Variants in KANK1 observed in about 807,000 individuals in gnomAD.
KANK1 encodes the protein KN motif and ankyrin repeat domain-containing protein 1.
KANK1 carries 109 observed loss-of-function variants against 106.2 expected under a neutral mutation model. The ratio of observed to expected loss-of-function variants is 1.03; its 90% confidence interval spans 0.88 to 1.20. The LOEUF (loss-of-function observed/expected upper bound fraction) is 1.20, where lower values mean the gene tolerates loss of function less well. Ranked by LOEUF, KANK1 falls within the 50% of genes most tolerant of loss-of-function variation. KANK1 has a pLI of 0.00. For synonymous variants in KANK1, 873 were observed against 652.2 expected (o/e 1.34, Z -5.16); for missense variants, 2,399 against 1,710.7 (o/e 1.40, Z -7.10).
At chr9:611,306 G>A (rs751461399) in intron 1 of KANK1, among the ~76,000 whole-genome samples, 11 of 152,204 alleles carry the variant, frequency 7.2e-5, no homozygotes, top group Non-Finnish European at 1.3e-4. Context: ...AGCCCACGGG[G>A]CCAGTTCCTC....
chr9:667,080 C>G (rs555440870), intron 1 of KANK1, among the ~76,000 whole-genome samples: 62 of 150,778 alleles, frequency 4.1e-4, no homozygotes, highest in Admixed American at 2.8e-3. Flanking sequence ...AGATCCTCGA[C>G]TTTTCTTTGA....
chr9:609,187 T>G (rs1180304287), intron 1 of KANK1, among the ~76,000 whole-genome samples: 1 of 152,240 alleles, frequency 6.6e-6, no homozygotes, highest in Non-Finnish European at 1.5e-5. Context: ...ATTAAACTGC[T>G]AATTGCAGTG....
At chr9:725,090 G>A (rs1830322800) in intron 3 of KANK1, among the ~76,000 whole-genome samples, 1 of 152,248 alleles carries the variant, frequency 6.6e-6, no homozygotes, top group East Asian at 1.9e-4. Context: ...AATCGTCCAG[G>A]TAGCCCCCAT....
chr9:745,245 A>C lies in KANK1; in HGVS notation c.*10A>C. ...AGGTTCATTTGATTGATTGTATGCA[A>C]ATAGCCCTTTATTTACATGCCACTA... On this transcript the variant is annotated 3_prime_UTR_variant, in exon 12 of 12. Coordinates refer to ENST00000382297, the MANE Select transcript of KANK1 (RefSeq NM_015158.5). 1 of 1,614,052 alleles carries C rather than the reference A, an allele frequency of 6.2e-7. No homozygotes were observed.
At chr9:606,837 A>G (rs1476628408) in intron 1 of KANK1, among the ~76,000 whole-genome samples, 2 of 151,676 alleles carry the variant, frequency 1.3e-5, no homozygotes, top group East Asian at 3.9e-4. Flanking sequence ...TATGCCAGGT[A>G]CTGTTCTTAC....
intron 1 of KANK1, among the ~76,000 whole-genome samples, chr9:626,203 C>G (rs1834305744): frequency 6.6e-6 from 1 of 152,122 alleles, no homozygotes; most frequent in Admixed American, 6.6e-5. Flanking sequence ...GTGGTTCATG[C>G]CTGTAATCCC....
Position 744,561 on chromosome 9 carries a change from A to T in KANK1, c.3968A>T (p.His1323Leu). 1.1e-5 allele frequency: 18 copies of T among 1,614,164 alleles called. No homozygotes were observed. Among genetic ancestry groups the T allele is most frequent in the South Asian group, 2.2e-5 (2 of 91,072 alleles). The change falls in exon 11 of 12, where the codon CAT becomes CTT. Residue 1323 changes from histidine to leucine, a missense_variant. His to Leu is a moderately conservative substitution (Grantham distance 99, BLOSUM62 -3). Coordinates refer to ENST00000382297, the MANE Select transcript of KANK1 (RefSeq NM_015158.5). ...HKDIAVLLYA[H>L]VNFAKAQSPG... ...GACATCGCTGTTCTTCTGTATGCCC[A>T]TGTCAACTTTGCAAAAGCCCAGTCT...
chr9:712,109 T>G lies in KANK1; in HGVS notation c.1343T>G (p.Met448Arg). 1 of 1,614,138 alleles carries G rather than the reference T, an allele frequency of 6.2e-7. No individual in the cohort carries two copies. Among genetic ancestry groups the G allele is most frequent in the Non-Finnish European group, 8.5e-7 (1 of 1,180,038 alleles). Residue 448 changes from methionine (M) to arginine (R), a missense_variant, in exon 3 of 12, where the codon ATG becomes AGG. Coordinates refer to ENST00000382297, the MANE Select transcript of KANK1 (RefSeq NM_015158.5). ...VSVTEAMLGV[M>R]TEADKEIELQ... Reference sequence around the variant, plus strand: ...GTGACAGAGGCCATGCTTGGAGTGATGACTGAAGCTGACAAAGAAATTGAG... The same window carrying G: ...GTGACAGAGGCCATGCTTGGAGTGAGGACTGAAGCTGACAAAGAAATTGAG...
At chr9:506,144 A>G (rs1003958236) in intron 1 of KANK1, among the ~76,000 whole-genome samples, 1 of 152,192 alleles carries the variant, frequency 6.6e-6, no homozygotes, top group Non-Finnish European at 1.5e-5. Context: ...AAGAACCCCT[A>G]TACCGATTAG....
At chr9:605,662 G>T (rs1311317510) in intron 1 of KANK1, among the ~76,000 whole-genome samples, 4 of 151,778 alleles carry the variant, frequency 2.6e-5, no homozygotes, top group Non-Finnish European at 4.4e-5. Flanking sequence ...GGCTGTGAGT[G>T]CCATGCCATA....
intron 1 of KANK1, among the ~76,000 whole-genome samples, chr9:604,889 A>T (rs375850391): frequency 6.6e-6 from 1 of 151,906 alleles, no homozygotes; most frequent in Non-Finnish European, 1.5e-5. Flanking sequence ...CTGTGAGTCA[A>T]TTAAACCTTT....
At chr9:553,391 G>T (rs907827681) in intron 1 of KANK1, among the ~76,000 whole-genome samples, 2 of 152,124 alleles carry the variant, frequency 1.3e-5, no homozygotes, top group Non-Finnish European at 2.9e-5. Context: ...ATGATGAGGG[G>T]TATACTGTGA....
rs115951420 is a variant in KANK1, at chr9:576,418, A to G, written c.-84+71664A>G. 5.6e-3 allele frequency among the ~76,000 whole-genome samples: 856 copies of G among 152,316 alleles called. 14 individuals carry two copies. Among genetic ancestry groups the G allele is most frequent in the African/African-American group, 0.019 (802 of 41,564 alleles). ...AGGTAAGAAAGCAGAAGAGGAACCA[A>G]TATTTGCTCTGCTAGGCACTGTGCC... On this transcript the variant is annotated intron_variant, in intron 1 of 11. Transcript: ENST00000382297.
chr9:668,026 T>C (rs7865660), intron 1 of KANK1, among the ~76,000 whole-genome samples: 28,470 of 152,094 alleles, frequency 0.19, 2,817 homozygotes, highest in East Asian at 0.22. Flanking sequence ...CCACCACACC[T>C]AGCCCAAAAT....
At position 603,639 on chromosome 9, in the gene KANK1, T is replaced by C. The variant is rs138765714; in HGVS notation, c.-83-73251T>C. Among the ~76,000 whole-genome samples the C allele has an allele frequency of 9.5e-4, 144 of 151,802 alleles. 6 individuals are homozygous for C. The highest frequency in any genetic ancestry group is 3.4e-3 in the African/African-American group (140 of 41,146). On this transcript the variant is annotated intron_variant, in intron 1 of 11. Coordinates refer to ENST00000382297, the MANE Select transcript of KANK1 (RefSeq NM_015158.5). ...ACTTAGATTCTATCATTAATTAATA[T>C]ACTCGTTTGAATTTTTCTCTTCTAA...
chr9:691,038 T>C (rs1819790791), intron 2 of KANK1, among the ~76,000 whole-genome samples: 1 of 152,218 alleles, frequency 6.6e-6, no homozygotes, highest in Non-Finnish European at 1.5e-5. Flanking sequence ...CTCTCTTCAG[T>C]GGGAACCTTT....
In KANK1 at chr9:712,639, G is replaced by T; in HGVS notation, c.1873G>T (p.Val625Leu). ...LLKTNLNLKE[V>L]RSIGCGDCSV... is the part of the protein sequence containing the mutation. The stretch of plus-strand genomic sequence containing the variant: ...CAAGACAAACTTGAATCTCAAAGAA[G>T]TGCGGTCTATCGGTTGTGGAGATTG... The change falls in exon 3 of 12, where the codon GTG becomes TTG. Residue 625 changes from valine (V) to leucine (L), a missense_variant. By Grantham distance (32) the Val-to-Leu change is conservative. Coordinates refer to ENST00000382297, the MANE Select transcript of KANK1 (RefSeq NM_015158.5). 6.2e-7 allele frequency: 1 copy of T among 1,614,194 alleles called. No homozygotes were observed. Among genetic ancestry groups the T allele is most frequent in the Non-Finnish European group, 8.5e-7 (1 of 1,180,038 alleles).
intron 1 of KANK1, among the ~76,000 whole-genome samples, chr9:638,749 T>G (rs1837709484): frequency 6.6e-6 from 1 of 152,202 alleles, no homozygotes; most frequent in South Asian, 2.1e-4. Context: ...CTTCTAATTC[T>G]TTTCTGTAGA....
chr9:504,116 G>C (rs746007931), upstream of KANK1, among the ~76,000 whole-genome samples: 5 of 152,108 alleles, frequency 3.3e-5, no homozygotes, highest in Non-Finnish European at 5.9e-5. Context: ...CCCGGGGAGG[G>C]AGAGGAGGTA....
Sources: gnomAD v4.1 joint callset for allele counts (sites outside exome capture counted in the v4.1 genomes callset) on GRCh38, gnomAD v4.1.1 for gene constraint, MANE v1.5 for transcripts, NCBI Gene and HGNC (gene_info 2026-07-23, HGNC 2026-07-21) for gene names.